The following LAMA2 variants were observed in gnomAD, a reference collection of about 807,000 sequenced individuals.
The protein encoded by LAMA2 is laminin subunit alpha-2.
LAMA2 carries 269 observed loss-of-function variants against 364.8 expected under a neutral mutation model. That is an observed-to-expected ratio of 0.74 (90% CI 0.67 to 0.82). LAMA2 has a LOEUF of 0.82. LAMA2 is among the 40% of genes least tolerant of loss of function. The pLI is 0.00. For synonymous variants in LAMA2, 1,379 were observed against 1,370.6 expected, an observed-to-expected ratio of 1.01 and a Z score of -0.14; for missense variants, 3,807 against 3,873.2, an observed-to-expected ratio of 0.98 and a Z score of 0.45.
chr6:129,302,567 C>G (rs1282395796), intron 22 of LAMA2, among the ~76,000 whole-genome samples: 1 of 152,018 alleles, frequency 6.6e-6, no homozygotes, highest in African/African-American at 2.4e-5. Context: ...AAAGATTTCT[C>G]TCCCATGTTT....
At chr6:129,051,188 T>TATATA (rs1384401729) in intron 2 of LAMA2, among the ~76,000 whole-genome samples, 2 of 137,082 alleles carry the variant, frequency 1.5e-5, no homozygotes, top group East Asian at 3.9e-4. Flanking sequence ...TCTCTGTATA[T>TATATA]ATATAATATA....
At chr6:129,059,723 G>A (rs993550908) in intron 2 of LAMA2, 61 bp from the exon 3 acceptor site, 9 of 1,021,560 alleles carry the variant, frequency 8.8e-6, no homozygotes, top group African/African-American at 1.6e-5. Context: ...TAAAGAAAAA[G>A]CTATAAACTA....
chr6:129,063,408 A>T (rs1789071042), intron 3 of LAMA2, among the ~76,000 whole-genome samples: 1 of 152,144 alleles, frequency 6.6e-6, no homozygotes, highest in East Asian at 1.9e-4. Context: ...AGAATATGTC[A>T]TTATGTCTGA....
At chr6:129,134,538 T>C (rs536253426) in intron 4 of LAMA2, among the ~76,000 whole-genome samples, 1 of 152,308 alleles carries the variant, frequency 6.6e-6, no homozygotes, top group African/African-American at 2.4e-5. Context: ...AGACAGTTTT[T>C]CCATGGAATT....
At chr6:129,078,507 TAAAAG>T (rs1470753270) in intron 3 of LAMA2, among the ~76,000 whole-genome samples, 1 of 152,088 alleles carries the variant, frequency 6.6e-6, no homozygotes, top group East Asian at 1.9e-4. Flanking sequence ...TATTAAAAAA[TAAAAG>T]AAACTCTATG....
At chr6:129,161,164 T>A (rs1779419754) in intron 8 of LAMA2, among the ~76,000 whole-genome samples, 1 of 151,630 alleles carries the variant, frequency 6.6e-6, no homozygotes, top group African/African-American at 2.4e-5. Flanking sequence ...CAGATATCAC[T>A]TTTTGTCCTA....
chr6:129,186,795 A>T (rs1562311590), intron 10 of LAMA2, among the ~76,000 whole-genome samples: 1 of 151,700 alleles, frequency 6.6e-6, no homozygotes, highest in Non-Finnish European at 1.5e-5. Flanking sequence ...CAGAAAGTAC[A>T]TAGGGAAACT....
Position 128,922,779 on chromosome 6 carries a change from TG to T in LAMA2, c.112+39423del, listed in dbSNP as rs922291514. On this transcript the variant is annotated intron_variant, in intron 1 of 64. Transcript: ENST00000421865. ...TTTGGTGTTTTAGACATGAAGTCTT[TG>T]CCCATGCCTATGTCCTGAATGGTAA... 2.0e-3 allele frequency among the ~76,000 whole-genome samples: 300 copies of T among 152,346 alleles called. 1 individual carries two copies. The highest frequency in any genetic ancestry group is 6.9e-3 in the African/African-American group (285 of 41,586).
At position 129,148,939 on chromosome 6, in the gene LAMA2, A is replaced by G. The variant is rs200667464; in HGVS notation, c.910-40A>G. On this transcript the variant is annotated intron_variant, in intron 6 of 64. Coordinates refer to ENST00000421865, the MANE Select transcript of LAMA2 (RefSeq NM_000426.4). ...AGAGAGGCTTCCTTTATGGTTCTAA[A>G]TGAGGCTAAAATTTGTGCTTCCTCC... The G allele has an allele frequency of 3.2e-5, 42 of 1,331,320 alleles. No individual in the cohort carries two copies. The African/African-American group carries it at 5.0e-4, about 16-fold the overall frequency. 82.5% of individuals were successfully genotyped at this position (1,331,320 alleles called of 1,614,324 possible). A position where few individuals can be genotyped will look rare whatever the true frequency, so the allele number is the denominator to read the frequency against.
rs537351244 is a variant in LAMA2 at position 128,883,227 on chromosome 6, TC to T, written c.-17del. ...ACTCCTCTGGCTCCCGAGAAGTGGA[TC>T]CGGTCGCGGCCACTACGATGCCGGG... On this transcript the variant is annotated 5_prime_UTR_variant, in exon 1 of 65. Transcript: ENST00000421865. 3.4e-4 allele frequency: 534 copies of T among 1,547,860 alleles called. 1 individual carries two copies. In the African/African-American group the frequency reaches 6.7e-3, roughly 19 times the overall value.
At chr6:129,334,660 A>G (rs1439313252) in intron 29 of LAMA2, among the ~76,000 whole-genome samples, 5 of 152,208 alleles carry the variant, frequency 3.3e-5, no homozygotes, top group Non-Finnish European at 5.9e-5. Flanking sequence ...TAGCTTATAA[A>G]TAACAGAAAC....
At chr6:129,260,942 C>T in intron 15 of LAMA2, 120 bp downstream of exon 15, 4 of 700,734 alleles carry the variant, frequency 5.7e-6, no homozygotes, top group Admixed American at 2.1e-5. Flanking sequence ...ATGTGTATCA[C>T]TTAAAAACAA....
chr6:129,414,793 C>T (rs548843129), intron 40 of LAMA2, among the ~76,000 whole-genome samples: 9 of 152,274 alleles, frequency 5.9e-5, no homozygotes, highest in South Asian at 2.1e-4. Context: ...CAACAATCCC[C>T]TAACCTAACT....
At chr6:129,168,712 G>A (rs1200402080) in intron 9 of LAMA2, among the ~76,000 whole-genome samples, 6 of 143,254 alleles carry the variant, frequency 4.2e-5, no homozygotes, top group Admixed American at 3.5e-4. Context: ...AAAGGCATTG[G>A]TAGCTTGATG....
chr6:129,228,799 G>T (rs1784494318), intron 12 of LAMA2, among the ~76,000 whole-genome samples: 1 of 152,178 alleles, frequency 6.6e-6, no homozygotes, highest in African/African-American at 2.4e-5. Flanking sequence ...CCTTTCTCCA[G>T]CTGTGGCTCT....
intron 3 of LAMA2, among the ~76,000 whole-genome samples, chr6:129,087,906 ATTTT>A (rs921661843): frequency 6.7e-6 from 1 of 148,290 alleles, no homozygotes. Context: ...TTATTTATTT[ATTTT>A]TTTTATTAAT....
chr6:129,501,919 G>A (rs1350183684), intron 58 of LAMA2, among the ~76,000 whole-genome samples: 1 of 152,170 alleles, frequency 6.6e-6, no homozygotes, highest in Non-Finnish European at 1.5e-5. Context: ...AGTGCAAAAT[G>A]GAAAATGCAG....
At chr6:129,282,544 G>T (rs187850683) in intron 18 of LAMA2, among the ~76,000 whole-genome samples, 10 of 152,198 alleles carry the variant, frequency 6.6e-5, no homozygotes, top group Non-Finnish European at 1.3e-4. Flanking sequence ...AGAGGGGAGG[G>T]TATAATGTCT....
intron 10 of LAMA2, among the ~76,000 whole-genome samples, chr6:129,181,149 C>G (rs1780902434): frequency 1.3e-5 from 2 of 152,014 alleles, no homozygotes; most frequent in South Asian, 4.1e-4. Flanking sequence ...TTTATTCTCC[C>G]CTTATGTGCT....
Sources: allele counts gnomAD v4.1 joint callset (sites outside exome capture counted in the v4.1 genomes callset), GRCh38; gene constraint gnomAD v4.1.1; transcripts MANE v1.5; gene names NCBI Gene and HGNC (gene_info 2026-07-23, HGNC 2026-07-21).